RNF17: variants seen among roughly 807,000 people sequenced by gnomAD.
RNF17 encodes ring finger protein 17, also known as spermatogenesis associated 23.
Under a neutral mutation model 200.5 loss-of-function variants are expected in RNF17, and 31 were observed. The ratio of observed to expected loss-of-function variants is 0.15; its 90% CI spans 0.12 to 0.21. The LOEUF is 0.21. RNF17 is among the 10% of genes least tolerant of loss of function. RNF17 has a pLI of 1.00. For synonymous variants in RNF17, 606 were observed against 637.8 expected, an observed-to-expected ratio of 0.95 and a Z score of 0.75; for missense variants, 1,628 against 1,905.1, an observed-to-expected ratio of 0.85 and a Z score of 2.71.
intron 6 of RNF17, among the ~76,000 whole-genome samples, chr13:24,783,342 T>C (rs1216513060): frequency 1.3e-5 from 2 of 152,248 alleles, no homozygotes; most frequent in Admixed American, 6.5e-5. Context: ...CCTACAACTT[T>C]GTTCCTTTTC....
At chr13:24,770,811 A>G (rs1454701288) in intron 2 of RNF17, among the ~76,000 whole-genome samples, 1 of 149,400 alleles carries the variant, frequency 6.7e-6, no homozygotes, top group African/African-American at 2.6e-5. Context: ...AATTTTCTTA[A>G]CTAATTTCTT....
At chr13:24,792,488 G>A (rs1187605861) in intron 9 of RNF17, among the ~76,000 whole-genome samples, 1 of 152,150 alleles carries the variant, frequency 6.6e-6, no homozygotes, top group East Asian at 1.9e-4. Context: ...TCAAAGCAGA[G>A]GTTTATGACA....
At chr13:24,811,071 A>C (rs1218727418) in intron 15 of RNF17, among the ~76,000 whole-genome samples, 1 of 152,006 alleles carries the variant, frequency 6.6e-6, no homozygotes, top group East Asian at 1.9e-4. Context: ...GGCTGCTCTT[A>C]ACATTTTTTC....
intron 18 of RNF17, among the ~76,000 whole-genome samples, chr13:24,840,617 T>G (rs1490075845): frequency 1.3e-5 from 2 of 152,114 alleles, no homozygotes; most frequent in Non-Finnish European, 2.9e-5. Context: ...TGGATGAGAT[T>G]GGAGACTATT....
chr13:24,760,940 A>G (rs907463991), upstream of RNF17, among the ~76,000 whole-genome samples: 3 of 152,186 alleles, frequency 2.0e-5, no homozygotes, highest in African/African-American at 7.2e-5. Context: ...CGGTATTAGA[A>G]TGGAGATTAT....
At chr13:24,865,786 G>T (rs921202357) in intron 29 of RNF17, among the ~76,000 whole-genome samples, 69 of 151,544 alleles carry the variant, frequency 4.6e-4, no homozygotes, top group African/African-American at 1.3e-3. Context: ...GGTGAGTGGG[G>T]GTGTGTGTGT....
chr13:24,798,804 T>C (rs973500552), intron 11 of RNF17, among the ~76,000 whole-genome samples: 11 of 152,162 alleles, frequency 7.2e-5, no homozygotes, highest in Non-Finnish European at 1.6e-4. Context: ...TGTTAATTTG[T>C]AATCCAACTG....
At chr13:24,884,867 C>T (rs944437889), downstream of RNF17, among the ~76,000 whole-genome samples, 1 of 152,180 alleles carries the variant, frequency 6.6e-6, no homozygotes, top group Non-Finnish European at 1.5e-5. Context: ...GGAAAAAATT[C>T]CCTCATCACC....
At chr13:24,764,376 G>A in intron 1 of RNF17, 43 bp downstream of exon 1, 2 of 1,524,424 alleles carry the variant, frequency 1.3e-6, no homozygotes, top group East Asian at 2.4e-5. Context: ...GCAGCCTGGA[G>A]GGAGCGCTGG....
chr13:24,809,253 C>G (rs1012520370), intron 15 of RNF17, among the ~76,000 whole-genome samples: 3 of 150,412 alleles, frequency 2.0e-5, no homozygotes, highest in Non-Finnish European at 1.5e-5. Flanking sequence ...TGGTAGAATT[C>G]GGCTGTGAAT....
At chr13:24,800,307 G>A in intron 12 of RNF17, 59 bp from the exon 13 acceptor site, 2 of 1,252,632 alleles carry the variant, frequency 1.6e-6, no homozygotes, top group Non-Finnish European at 2.2e-6. Context: ...TTCTGTGGGG[G>A]AAAACAAATT....
At chr13:24,844,858 T>G (rs9511472) in intron 21 of RNF17, 56 bp downstream of exon 21, 422,733 of 1,576,880 alleles carry the variant, frequency 0.27, 59,169 homozygotes, top group Non-Finnish European at 0.29. Flanking sequence ...ATTTTGTATT[T>G]TTTTCCCTGG....
intron 26 of RNF17, among the ~76,000 whole-genome samples, chr13:24,860,075 G>A (rs1286549258): frequency 2.0e-5 from 3 of 151,864 alleles, no homozygotes; most frequent in Middle Eastern, 3.4e-3. Flanking sequence ...AAGTAAAATA[G>A]TTTCAAATTT....
At chr13:24,822,062 G>A (rs1450003610) in intron 15 of RNF17, among the ~76,000 whole-genome samples, 1 of 152,180 alleles carries the variant, frequency 6.6e-6, no homozygotes, top group East Asian at 1.9e-4. Flanking sequence ...GCAGGTTTAA[G>A]GAGGTGGTGT....
At chr13:24,882,416 T>A (rs1953888379), downstream of RNF17, 1 of 152,064 alleles carries the variant, frequency 6.6e-6, no homozygotes, top group South Asian at 2.1e-4. Context: ...TATATAAATT[T>A]ACAAGTAAGT....
At chr13:24,824,841 G>A (rs976368000) in intron 15 of RNF17, among the ~76,000 whole-genome samples, 2 of 152,128 alleles carry the variant, frequency 1.3e-5, no homozygotes, top group African/African-American at 4.8e-5. Flanking sequence ...CACTGCAATC[G>A]ATAAATGAAT....
chr13:24,825,436 C>A (rs189140673), intron 15 of RNF17, among the ~76,000 whole-genome samples, 183 bp from the exon 16 acceptor site: 19 of 152,250 alleles, frequency 1.2e-4, no homozygotes, highest in Admixed American at 2.6e-4. Context: ...TATGTCTATA[C>A]TAATTTTCTA....
At position 24,879,908 on chromosome 13, in the gene RNF17, T is replaced by A. The variant is rs929394497; in HGVS notation, c.*182T>A. 4.6e-5 allele frequency: 7 copies of A among 152,174 alleles called. No homozygotes were observed. Among genetic ancestry groups the A allele is most frequent in the African/African-American group, 1.4e-4 (6 of 41,442 alleles). 9.4% of individuals were successfully genotyped at this position (152,174 alleles called of 1,614,324 possible). On this transcript the variant is annotated 3_prime_UTR_variant, in exon 36 of 36. Transcript: ENST00000255324. ...TGTGTGGGGAAAAAAAGTAAATAAA[T>A]GTTCGCTTCCAAACATTTGCTTGTT...
At position 24,799,397 on chromosome 13, in the gene RNF17, G is replaced by A; in HGVS notation, c.1402G>A (p.Ala468Thr). Reference sequence around the variant, plus strand: ...GATTTGTTTCCCTCATTATTTAGGTGCAAGAATATTTGTCAGCAGTATTAA... The same window carrying A: ...GATTTGTTTCCCTCATTATTTAGGTACAAGAATATTTGTCAGCAGTATTAA... ...LDPSDILELG[A>T]RIFVSSIKNG... The change falls in exon 12 of 36, where the codon GCA becomes ACA. Residue 468 changes from alanine (A) to threonine (T), a missense_variant and splice_region_variant. Ala to Thr is a moderately conservative substitution (Grantham distance 58). Transcript: ENST00000255324. 1 of 1,602,714 alleles carries A rather than the reference G, an allele frequency of 6.2e-7. No homozygotes were observed. The highest frequency in any genetic ancestry group is 1.7e-4 in the Middle Eastern group (1 of 5,914).
Sources: gnomAD v4.1 joint callset for allele counts (sites outside exome capture counted in the v4.1 genomes callset) on GRCh38, gnomAD v4.1.1 for gene constraint, MANE v1.5 for transcripts, NCBI Gene and HGNC (gene_info 2026-07-23, HGNC 2026-07-21) for gene names.